Variants in BTBD9 observed in about 807,000 individuals in gnomAD.
BTBD9 encodes the protein BTB domain containing 9, also known as BTB/POZ domain-containing protein 9.
Under a neutral mutation model 64.3 loss-of-function variants are expected in BTBD9, and 49 were observed. The ratio of observed to expected loss-of-function variants is 0.76; its 90% CI spans 0.61 to 0.97. The LOEUF (loss-of-function observed/expected upper bound fraction) is 0.97. Ranked by LOEUF, BTBD9 falls within the 50% of genes least tolerant of loss-of-function variation. The pLI, the probability that BTBD9 is intolerant of heterozygous loss-of-function variation, is 0.00. For missense variants in BTBD9, 598 were observed against 762.1 expected (o/e 0.78, Z 2.53); for synonymous variants, 260 against 274.7 (o/e 0.95, Z 0.53).
At chr6:38,220,918 G>C (rs1240095956) in intron 9 of BTBD9, among the ~76,000 whole-genome samples, 1 of 152,218 alleles carries the variant, frequency 6.6e-6, no homozygotes, top group East Asian at 1.9e-4. Context: ...CCAGAGGGTA[G>C]AGAAAGGCTC....
At chr6:38,197,174 C>T (rs766582204) in intron 9 of BTBD9, among the ~76,000 whole-genome samples, 12 of 152,180 alleles carry the variant, frequency 7.9e-5, no homozygotes, top group Non-Finnish European at 1.5e-4. Flanking sequence ...GTCTTAGAGT[C>T]GTGATCTATC....
At chr6:38,533,453 C>T (rs12529875) in intron 6 of BTBD9, among the ~76,000 whole-genome samples, 28,233 of 152,026 alleles carry the variant, frequency 0.19, 2,665 homozygotes, top group East Asian at 0.27. Flanking sequence ...ATTAGAATCA[C>T]AGCTGGAGAC....
chr6:38,468,942 C>T (rs1426587672), intron 6 of BTBD9, among the ~76,000 whole-genome samples: 1 of 152,144 alleles, frequency 6.6e-6, no homozygotes, highest in Non-Finnish European at 1.5e-5. Flanking sequence ...TAGGGAAAAT[C>T]CCCAGAGGAC....
chr6:38,239,303 G>A (rs527692625), intron 9 of BTBD9, among the ~76,000 whole-genome samples: 4 of 151,936 alleles, frequency 2.6e-5, no homozygotes, highest in Admixed American at 2.0e-4. Flanking sequence ...AGCTGGGCGT[G>A]GTGGCGCACG....
intron 7 of BTBD9, among the ~76,000 whole-genome samples, chr6:38,318,225 A>T (rs1168517141): frequency 2.6e-5 from 4 of 152,176 alleles, no homozygotes; most frequent in African/African-American, 9.7e-5. Context: ...TCTCTTTGAA[A>T]GGTCAAATAT....
chr6:38,533,416 A>G (rs1221161201), intron 6 of BTBD9, among the ~76,000 whole-genome samples: 1 of 152,202 alleles, frequency 6.6e-6, no homozygotes, highest in Admixed American at 6.5e-5. Flanking sequence ...ATATAAAGCA[A>G]ATATTAAAGC....
intron 5 of BTBD9, among the ~76,000 whole-genome samples, chr6:38,579,431 T>C (rs1053730702): frequency 1.3e-4 from 20 of 152,206 alleles, no homozygotes; most frequent in Non-Finnish European, 1.2e-4. Flanking sequence ...AACAGTTCAG[T>C]TCTTGTCACT....
intron 7 of BTBD9, among the ~76,000 whole-genome samples, chr6:38,327,241 G>T (rs534239132): frequency 6.6e-6 from 1 of 151,924 alleles, no homozygotes; most frequent in Non-Finnish European, 1.5e-5. Flanking sequence ...CAATATTAAC[G>T]AGCCAATAAA....
chr6:38,388,019 A>G (rs1049612215), intron 6 of BTBD9, among the ~76,000 whole-genome samples: 10 of 152,194 alleles, frequency 6.6e-5, no homozygotes, highest in African/African-American at 2.4e-4. Context: ...TTCTAATCAC[A>G]GTCCCTGGGA....
At chr6:38,638,637 A>C (rs139671627) in intron 1 of BTBD9, among the ~76,000 whole-genome samples, 1 of 152,362 alleles carries the variant, frequency 6.6e-6, no homozygotes, top group East Asian at 1.9e-4. Flanking sequence ...TACTGGTTCC[A>C]AGAGGTAACA....
chr6:38,303,115 C>T (rs1762475497), intron 7 of BTBD9, among the ~76,000 whole-genome samples: 1 of 152,132 alleles, frequency 6.6e-6, no homozygotes, highest in African/African-American at 2.4e-5. Flanking sequence ...TTGACTGTTG[C>T]CTTTGCCGTG....
At position 38,614,679 on chromosome 6, in the gene BTBD9, A is replaced by C. The variant is rs115710918; in HGVS notation, c.-27-16558T>G. Reference sequence around the variant, plus strand: ...ACTGCCTTCGACCTCAACCTAATCCATCAGCAAGTCTTTTGTTTTTACCTC... The same window carrying C: ...ACTGCCTTCGACCTCAACCTAATCCCTCAGCAAGTCTTTTGTTTTTACCTC... On this transcript the variant is annotated intron_variant, in intron 1 of 10. Coordinates refer to ENST00000481247, the MANE Select transcript of BTBD9 (RefSeq NM_001099272.2). 8.7e-3 allele frequency among the ~76,000 whole-genome samples: 1,321 copies of C among 152,252 alleles called. 12 individuals are homozygous for C. The highest frequency in any genetic ancestry group is 0.03 in the African/African-American group (1,248 of 41,550).
chr6:38,578,610 C>T (rs533970661), intron 5 of BTBD9, among the ~76,000 whole-genome samples: 4 of 152,190 alleles, frequency 2.6e-5, no homozygotes, highest in Non-Finnish European at 4.4e-5. Context: ...TGTCCCCTCA[C>T]TCTCATTCAT....
chr6:38,472,226 T>C (rs992279072), intron 6 of BTBD9, among the ~76,000 whole-genome samples: 1 of 152,190 alleles, frequency 6.6e-6, no homozygotes, highest in African/African-American at 2.4e-5. Context: ...CAACACTGTT[T>C]ACATACAGTG....
chr6:38,291,817 CCAG>C (rs1582175326), intron 7 of BTBD9, among the ~76,000 whole-genome samples: 1 of 152,214 alleles, frequency 6.6e-6, no homozygotes, highest in East Asian at 1.9e-4. Flanking sequence ...GTATGTTGAA[CCAG>C]CCTCGCATCC....
At chr6:38,589,769 A>T (rs1489430766) in intron 4 of BTBD9, among the ~76,000 whole-genome samples, 7 of 152,082 alleles carry the variant, frequency 4.6e-5, no homozygotes, top group Non-Finnish European at 4.4e-5. Flanking sequence ...TTATATCCAA[A>T]AGTTGTCTCT....
intron 6 of BTBD9, among the ~76,000 whole-genome samples, chr6:38,528,206 C>G (rs1237573097): frequency 6.6e-6 from 1 of 152,106 alleles, no homozygotes; most frequent in African/African-American, 2.4e-5. Flanking sequence ...ACTCAGTTGG[C>G]ACCTATCAGA....
chr6:38,221,480 G>A lies in BTBD9; in HGVS notation c.1563-28883C>T, dbSNP rs556947776. 7.9e-5 allele frequency among the ~76,000 whole-genome samples: 12 copies of A among 152,226 alleles called. No homozygotes were observed. The South Asian group carries it at 8.3e-4, about 11-fold the overall frequency. On this transcript the variant is annotated intron_variant, in intron 9 of 10. Transcript: ENST00000481247. ...AGATGAAGGGACACATGGGCCAAGA[G>A]TACCACTAAATTCCTGCCCACAAAA...
intron 9 of BTBD9, among the ~76,000 whole-genome samples, chr6:38,210,572 GTGTGTCTGCA>G (rs1454174243): frequency 6.9e-6 from 1 of 144,530 alleles, no homozygotes; most frequent in South Asian, 2.1e-4. Context: ...GTGTGTGTGT[GTGTGTCTGCA>G]TCTGGGCAAG....
Sources: gnomAD v4.1 joint callset for allele counts (sites outside exome capture counted in the v4.1 genomes callset) on GRCh38, gnomAD v4.1.1 for gene constraint, MANE v1.5 for transcripts, NCBI Gene and HGNC (gene_info 2026-07-23, HGNC 2026-07-21) for gene names.